The following MAIP1 variants were observed in gnomAD, a reference collection of about 807,000 sequenced individuals.
MAIP1 encodes the protein m-AAA protease-interacting protein 1, mitochondrial.
In MAIP1, 28 loss-of-function variants were observed where a neutral mutation model predicts 31.2. The observed-to-expected ratio is 0.90, with a 90% CI of 0.67 to 1.23. MAIP1 has a LOEUF of 1.23. Ranked by LOEUF, MAIP1 falls within the 50% of genes most tolerant of loss-of-function variation. MAIP1 has a pLI of 0.00. For synonymous variants in MAIP1, 142 were observed against 142.3 expected (o/e 1.00, Z 0.02); for missense variants, 339 against 356.0 (o/e 0.95, Z 0.38).
In MAIP1 at chr2:199,956,007, GCTCCC is replaced by G; in HGVS notation, c.210_214del (p.Ser71ValfsTer51). 6.2e-7 allele frequency: 1 copy of G among 1,610,424 alleles called. No individual in the cohort carries two copies. Among genetic ancestry groups the G allele is most frequent in the Non-Finnish European group, 8.5e-7 (1 of 1,178,354 alleles). On this transcript the variant is annotated frameshift_variant, in exon 1 of 5. Transcript: ENST00000392290. LOFTEE classifies it high-confidence loss of function. ...GCAGCCTCGGCGCTACCTGCCCAGG[GCTCCC>G]GGTGGCCAGTGCTCAGCAGCCCGGG...
Position 199,955,712 on chromosome 2 carries a change from T to C in MAIP1, c.-87T>C. The C allele has an allele frequency of 2.2e-6, 3 of 1,340,730 alleles. No homozygotes were observed. Among genetic ancestry groups the C allele is most frequent in the Non-Finnish European group, 3.0e-6 (3 of 988,908 alleles). 83.1% of individuals were successfully genotyped at this position (1,340,730 alleles called of 1,614,324 possible). ...GCAACAGGTCCACTTTGCTCTCCAG[T>C]CTCTTTCTCCGACACCGCTGAGGCG... On this transcript the variant is annotated 5_prime_UTR_variant, in exon 1 of 5. Transcript: ENST00000392290.
Position 199,959,315 on chromosome 2 carries a change from G to A in MAIP1, c.498G>A (p.Leu166=). The A allele has an allele frequency of 6.3e-7, 1 of 1,596,508 alleles. No individual in the cohort carries two copies. Among genetic ancestry groups the A allele is most frequent in the East Asian group, 2.2e-5 (1 of 44,682 alleles). Residue 166 remains leucine, a synonymous_variant, in exon 2 of 5, where the codon CTG becomes CTA. Transcript: ENST00000392290. ...SKLLSQCKFD[L]LEELVAKEVL... is the part of the protein sequence containing the mutation. ...TGCTGTCACAGTGTAAATTTGATCTGTTGGAAGAACTTGTGGCCAAAGAGG... is the reference window on the plus strand; with the variant it reads ...TGCTGTCACAGTGTAAATTTGATCTATTGGAAGAACTTGTGGCCAAAGAGG...
chr2:199,957,690 A>G (rs2077615411), intron 1 of MAIP1, among the ~76,000 whole-genome samples: 1 of 152,252 alleles, frequency 6.6e-6, no homozygotes, highest in Admixed American at 6.5e-5. Context: ...ATATATTTAT[A>G]TAAAAAAAGT....
In MAIP1 at chr2:199,955,615, G is replaced by T; in HGVS notation, c.-184G>T. 1.6e-6 allele frequency: 2 copies of T among 1,242,066 alleles called. No individual in the cohort carries two copies. Among genetic ancestry groups the T allele is most frequent in the Non-Finnish European group, 2.2e-6 (2 of 910,882 alleles). The allele number at this position is 1,242,066 out of a possible 1,614,324, so 76.9% of individuals were successfully genotyped here. A position where few individuals can be genotyped will look rare whatever the true frequency, so the allele number is the denominator to read the frequency against. On this transcript the variant is annotated 5_prime_UTR_variant, in exon 1 of 5. Coordinates refer to ENST00000392290, the MANE Select transcript of MAIP1 (RefSeq NM_001394955.1). Reference sequence around the variant, plus strand: ...GAGTGGCTGGGTCCGAGCGCGGGGCGGGTTGCCGAAGGGCCTCGGCCTGGG... The same window carrying T: ...GAGTGGCTGGGTCCGAGCGCGGGGCTGGTTGCCGAAGGGCCTCGGCCTGGG...
chr2:199,958,459 C>G (rs2077619550), intron 1 of MAIP1, among the ~76,000 whole-genome samples: 1 of 152,190 alleles, frequency 6.6e-6, no homozygotes, highest in Non-Finnish European at 1.5e-5. Flanking sequence ...CATGCCATAT[C>G]TGACATGCCT....
At chr2:199,956,274 A>T (rs2077603618) in intron 1 of MAIP1, 26 bp downstream of exon 1, 1 of 1,554,570 alleles carries the variant, frequency 6.4e-7, no homozygotes, top group Non-Finnish European at 8.8e-7. Context: ...TGATTGACCT[A>T]TCCGTCTCTA....
intron 3 of MAIP1, among the ~76,000 whole-genome samples, chr2:199,960,130 T>C (rs986986058): frequency 2.6e-5 from 4 of 152,206 alleles, no homozygotes; most frequent in African/African-American, 7.2e-5. Context: ...ATCACTTACA[T>C]TGATGAAAAT....
chr2:199,958,873 C>G (rs903814054), intron 1 of MAIP1, among the ~76,000 whole-genome samples: 1 of 152,212 alleles, frequency 6.6e-6, no homozygotes, highest in Non-Finnish European at 1.5e-5. Flanking sequence ...TTTCCAGACT[C>G]CCAATGCAGT....
upstream of MAIP1, chr2:199,955,455 G>C (rs577365638): frequency 6.2e-7 from 1 of 1,613,878 alleles, no homozygotes; most frequent in South Asian, 1.1e-5. Context: ...GGTACCGGGA[G>C]GTGCTGCCCG....
chr2:199,963,732 G>C lies in MAIP1; in HGVS notation c.798-1G>C. Reference sequence around the variant, plus strand: ...TACATTATTTGCAATGTCTTTCCTAGGTTTCAGAGGGAGTTCACACAAGGA... The same window carrying C: ...TACATTATTTGCAATGTCTTTCCTACGTTTCAGAGGGAGTTCACACAAGGA... On this transcript the variant is annotated splice_acceptor_variant, in intron 4 of 4. Coordinates refer to ENST00000392290, the MANE Select transcript of MAIP1 (RefSeq NM_001394955.1). LOFTEE classifies it high-confidence loss of function. The C allele has an allele frequency of 1.9e-6, 3 of 1,578,810 alleles. No homozygotes were observed. The highest frequency in any genetic ancestry group is 2.6e-6 in the Non-Finnish European group (3 of 1,149,098).
intron 4 of MAIP1, 105 bp from the exon 5 acceptor site, chr2:199,963,628 C>A: frequency 1.6e-6 from 1 of 623,928 alleles, no homozygotes; most frequent in Non-Finnish European, 2.7e-6. Context: ...TAACCATTAT[C>A]TTGTTGCCAA....
At chr2:199,962,043 A>C (rs971688978) in intron 4 of MAIP1, 115 bp downstream of exon 4, 1 of 974,816 alleles carries the variant, frequency 1.0e-6, no homozygotes, top group East Asian at 2.5e-5. Context: ...CAAGTTATTT[A>C]TGAAGAGAAA....
At chr2:199,955,405 G>A (rs2077589718), upstream of MAIP1, 1 of 1,613,622 alleles carries the variant, frequency 6.2e-7, no homozygotes, top group South Asian at 1.1e-5. Context: ...GTGGGTAGAG[G>A]TGCTGCATGA....
chr2:199,963,541 CTTCAA>C (rs757032080), intron 4 of MAIP1, among the ~76,000 whole-genome samples, 187 bp from the exon 5 acceptor site: 2 of 152,088 alleles, frequency 1.3e-5, no homozygotes, highest in Non-Finnish European at 2.9e-5. Flanking sequence ...TGAGAATGTA[CTTCAA>C]TTTTGTGGGT....
At chr2:199,961,102 A>G (rs1233432699) in intron 3 of MAIP1, among the ~76,000 whole-genome samples, 1 of 152,172 alleles carries the variant, frequency 6.6e-6, no homozygotes, top group African/African-American at 2.4e-5. Flanking sequence ...CTGAGCAGCA[A>G]AAAATATTTT....
intron 1 of MAIP1, 36 bp downstream of exon 1, chr2:199,956,284 A>C (rs1045581936): frequency 6.6e-7 from 1 of 1,507,068 alleles, no homozygotes; most frequent in African/African-American, 1.4e-5. Context: ...ATCCGTCTCT[A>C]ATGAGTTCAA....
intron 1 of MAIP1, among the ~76,000 whole-genome samples, chr2:199,957,476 G>A (rs1203809349): frequency 1.3e-5 from 2 of 152,140 alleles, no homozygotes; most frequent in African/African-American, 2.4e-5. Flanking sequence ...TTAAAACCAT[G>A]CTATTGGTGT....
At position 199,959,842 on chromosome 2, in the gene MAIP1, C is replaced by T. The variant is rs200945856; in HGVS notation, c.611C>T (p.Thr204Ile). ...LAANIDEIVF[T>I]STGDISIYYD... ...GCTAACATAGATGAAATTGTATTTACATCAACAGGAGACATCTCCATTTAC... is the reference window on the plus strand; with the variant it reads ...GCTAACATAGATGAAATTGTATTTATATCAACAGGAGACATCTCCATTTAC... The change falls in exon 3 of 5, where the codon ACA (threonine) becomes ATA (isoleucine). Residue 204 changes from threonine to isoleucine, a missense_variant. Thr to Ile is a moderately conservative substitution (Grantham distance 89). Transcript: ENST00000392290. 161 of 1,611,864 alleles carry T rather than the reference C, an allele frequency of 1.0e-4. No individual in the cohort carries two copies. Among genetic ancestry groups the T allele is most frequent in the Non-Finnish European group, 1.3e-4 (157 of 1,178,704 alleles).
At position 199,955,823 on chromosome 2, in the gene MAIP1, C is replaced by A. The variant is rs138114112; in HGVS notation, c.25C>A (p.Pro9Thr). 2.0e-6 allele frequency: 3 copies of A among 1,518,424 alleles called. No individual in the cohort carries two copies. The highest frequency in any genetic ancestry group is 1.3e-5 in the South Asian group (1 of 75,288). The allele number at this position is 1,518,424 out of a possible 1,614,324, so 94.1% of individuals were successfully genotyped here. A position where few individuals can be genotyped will look rare whatever the true frequency, so the allele number is the denominator to read the frequency against. The change falls in exon 1 of 5, where the codon CCC becomes ACC. Residue 9 changes from proline (P) to threonine (T), a missense_variant. Coordinates refer to ENST00000392290, the MANE Select transcript of MAIP1 (RefSeq NM_001394955.1). MALAARLL[P>T]QFLHSRSLPC... ...AATGGCGCTGGCCGCTCGTTTGCTA[C>A]CCCAGTTCCTGCACTCTCGGTCGCT...
Sources: gnomAD v4.1 joint callset for allele counts (sites outside exome capture counted in the v4.1 genomes callset) on GRCh38, gnomAD v4.1.1 for gene constraint, MANE v1.5 for transcripts, NCBI Gene and HGNC (gene_info 2026-07-23, HGNC 2026-07-21) for gene names.